The following SYP variants were observed in gnomAD, a reference collection of about 807,000 sequenced individuals.
SYP encodes the protein synaptophysin.
Under a neutral mutation model 24.3 loss-of-function variants are expected in SYP, and 2 were observed. The ratio of observed to expected loss-of-function variants is 0.08; its 90% CI spans 0.03 to 0.26. The LOEUF (loss-of-function observed/expected upper bound fraction) is 0.26. SYP is among the 10% of genes least tolerant of loss of function. SYP has a pLI of 1.00. For missense variants in SYP, 216 were observed against 266.3 expected, an observed-to-expected ratio of 0.81 and a Z score of 1.32; for synonymous variants, 143 against 123.2, an observed-to-expected ratio of 1.16 and a Z score of -1.07.
At chrX:49,194,097 G>A in intron 4 of SYP, 69 bp downstream of exon 4, 1 of 1,154,577 alleles carries the variant, frequency 8.7e-7, no homozygotes, top group Non-Finnish European at 1.2e-6. Flanking sequence ...TGTGGTCTGT[G>A]AGCATGGCTG....
chrX:49,190,348 T>C (rs912643502), intron 6 of SYP, among the ~76,000 whole-genome samples: 40 of 109,286 alleles, frequency 3.7e-4, no homozygotes, highest in African/African-American at 1.1e-3. Flanking sequence ...CCCGGCTAAT[T>C]TTTATATGTT....
intron 2 of SYP, chrX:49,198,648 G>A (rs1569526993): frequency 2.7e-5 from 9 of 328,863 alleles, no homozygotes; most frequent in Non-Finnish European, 3.7e-5. Context: ...CTGTCTCTGG[G>A]TTTCTCTGAC....
rs782023490 is a variant in SYP, at chrX:49,191,613, C to T, written c.766G>A (p.Gly256Arg). Residue 256 changes from glycine (G) to arginine (R), a missense_variant, in exon 6 of 7, where the codon GGG becomes AGG. Gly to Arg is a moderately radical substitution (Grantham distance 125). Coordinates refer to ENST00000263233, the MANE Select transcript of SYP (RefSeq NM_003179.3). ...GGCCCGTACCCGCCGGGGCCCTGCC[C>T]GTAGCCTGCATCGCCGTAGGCGTCC... Reference protein sequence around the residue: ...PGDAYGDAGYGQGPGGYGPQD... With the variant: ...PGDAYGDAGYRQGPGGYGPQD... 1.7e-6 allele frequency: 2 copies of T among 1,209,018 alleles called. No individual in the cohort carries two copies. Among genetic ancestry groups the T allele is most frequent in the African/African-American group, 1.7e-5 (1 of 57,893 alleles).
chrX:49,199,308 A>T, intron 1 of SYP: 1 of 331,686 alleles, frequency 3.0e-6, no homozygotes, highest in Non-Finnish European at 5.3e-6. Flanking sequence ...CAGGTTTGAA[A>T]CGTAAAGGCG....
At chrX:49,195,911 A>G (rs188451815) in intron 3 of SYP, among the ~76,000 whole-genome samples, 33 of 112,219 alleles carry the variant, frequency 2.9e-4, no homozygotes, top group Non-Finnish European at 5.4e-4. Flanking sequence ...CCAAGGTTGT[A>G]CAGCTCCTAA....
intron 3 of SYP, chrX:49,197,016 T>G (rs967813954): frequency 2.4e-4 from 26 of 108,486 alleles, no homozygotes; most frequent in African/African-American, 8.4e-4. Context: ...TTTTTTTTTT[T>G]GGAGATGGAG....
intron 2 of SYP, 28 bp from the exon 3 acceptor site, chrX:49,197,867 C>T: frequency 2.5e-6 from 3 of 1,208,160 alleles, no homozygotes; most frequent in Non-Finnish European, 3.4e-6. Context: ...GGGATGGCCA[C>T]AGTGAACCTG....
chrX:49,191,911 G>T, intron 5 of SYP, 148 bp from the exon 6 acceptor site: 1 of 663,589 alleles, frequency 1.5e-6, no homozygotes, highest in Non-Finnish European at 2.3e-6. Context: ...GTGCGAGAAC[G>T]TCGATGTGCA....
intron 5 of SYP, among the ~76,000 whole-genome samples, chrX:49,192,898 G>A (rs782387023): frequency 8.9e-6 from 1 of 112,040 alleles, no homozygotes; most frequent in Non-Finnish European, 1.9e-5. Flanking sequence ...GTAGAGCTGG[G>A]ATTTGAGCGC....
At chrX:49,197,504 G>T in intron 3 of SYP, 1 of 502,656 alleles carries the variant, frequency 2.0e-6, no homozygotes, top group Non-Finnish European at 3.3e-6. Context: ...CTGGAACAGA[G>T]CCAGAGGGCC....
chrX:49,191,716 G>A lies in SYP; in HGVS notation c.663C>T (p.Phe221=), dbSNP rs2065510169. 2.5e-6 allele frequency: 3 copies of A among 1,209,055 alleles called. No homozygotes were observed. The highest frequency in any genetic ancestry group is 3.4e-6 in the Non-Finnish European group (3 of 894,335). The change falls in exon 6 of 7, where the codon TTC becomes TTT. Residue 221 remains phenylalanine (F), a synonymous_variant. Coordinates refer to ENST00000263233, the MANE Select transcript of SYP (RefSeq NM_003179.3). The part of the protein sequence containing the change: ...NLVLWVGNLW[F]VFKETGWAAP... ...CGGCCCAGCCTGTCTCCTTAAACACGAACCACAGGTTGCCGACCCAGAGCA... is the reference window on the plus strand; with the variant it reads ...CGGCCCAGCCTGTCTCCTTAAACACAAACCACAGGTTGCCGACCCAGAGCA...
chrX:49,199,105 TCAATGA>T (rs1221619832), intron 1 of SYP, 72 bp from the exon 2 acceptor site: 5 of 1,028,081 alleles, frequency 4.9e-6, no homozygotes, highest in Non-Finnish European at 6.8e-6. Flanking sequence ...AGGCTGCCCA[TCAATGA>T]CCCCAGGGGA....
intron 6 of SYP, 110 bp downstream of exon 6, chrX:49,191,323 G>T: frequency 1.1e-6 from 1 of 916,550 alleles, no homozygotes; most frequent in Non-Finnish European, 1.5e-6. Context: ...GTCCTTACTT[G>T]CCCCAGTAAA....
chrX:49,197,534 C>T, intron 3 of SYP, 181 bp downstream of exon 3: 1 of 635,100 alleles, frequency 1.6e-6, no homozygotes, highest in African/African-American at 2.2e-5. Context: ...GTCTGCCTTG[C>T]TCACCACATA....
intron 6 of SYP, among the ~76,000 whole-genome samples, chrX:49,190,221 C>G (rs3817677): frequency 0.51 from 54,070 of 106,460 alleles, 11,840 homozygotes; most frequent in Non-Finnish European, 0.67. Context: ...GCTCTGTTGC[C>G]CAGGCTGGAG....
chrX:49,191,436 A>T lies in SYP; in HGVS notation c.*1T>A, dbSNP rs782468434. 9 of 1,209,341 alleles carry T rather than the reference A, an allele frequency of 7.4e-6. No individual in the cohort carries two copies. Among genetic ancestry groups the T allele is most frequent in the East Asian group, 5.9e-5 (2 of 33,756 alleles). On this transcript the variant is annotated 3_prime_UTR_variant, in exon 6 of 7. Transcript: ENST00000263233. ...GCACCGCTCGCCGGTCACTCACCAGACTACATCTGATTGGAGAAGGAGGTG... is the reference window on the plus strand; with the variant it reads ...GCACCGCTCGCCGGTCACTCACCAGTCTACATCTGATTGGAGAAGGAGGTG...
In SYP at chrX:49,191,758, G is replaced by A. The variant is rs781806000; in HGVS notation, c.621C>T (p.Phe207=). ...VTSGLNTSVV[F]GFLNLVLWVG... ...CCCAGAGCACCAGGTTCAGGAAGCC[G>A]AACACCTGCAGGGAGACAAGGCTCG... The change falls in exon 6 of 7, where the codon TTC becomes TTT. Residue 207 remains phenylalanine (F), a synonymous_variant. Transcript: ENST00000263233. 14 of 1,203,855 alleles carry A rather than the reference G, an allele frequency of 1.2e-5. No individual in the cohort carries two copies. In the Admixed American group the frequency reaches 2.6e-4, roughly 23 times the overall value.
intron 4 of SYP, 72 bp downstream of exon 4, chrX:49,194,094 T>TGTGAGCATGGCTGTGTCCCTGGGGTTCC: frequency 8.7e-7 from 1 of 1,147,985 alleles, no homozygotes. Context: ...TGGTGTGGTC[T>TGTGAGCATGGCTGTGTCCCTGGGGTTCC]GTGAGCATGG....
chrX:49,191,144 G>T (rs1019603819), intron 6 of SYP: 8 of 393,105 alleles, frequency 2.0e-5, no homozygotes, highest in African/African-American at 1.3e-4. Context: ...TTTATTGGTT[G>T]CTCTGCTTCT....
Sources: gnomAD v4.1 joint callset for allele counts (sites outside exome capture counted in the v4.1 genomes callset) on GRCh38, gnomAD v4.1.1 for gene constraint, MANE v1.5 for transcripts, NCBI Gene and HGNC (gene_info 2026-07-23, HGNC 2026-07-21) for gene names.